The following SLIT3 variants were observed in gnomAD, a reference collection of about 807,000 sequenced individuals.
SLIT3 encodes slit guidance ligand 3, also known as slit homolog 3 protein.
In SLIT3, 68 loss-of-function variants were observed where a neutral mutation model predicts 184.0. That is an observed-to-expected ratio of 0.37 (90% CI 0.30 to 0.45). The LOEUF (loss-of-function observed/expected upper bound fraction) is 0.45, where lower values mean the gene tolerates loss of function less well. Ranked by LOEUF, SLIT3 falls within the 20% of genes least tolerant of loss-of-function variation. The pLI is 1.00. For synonymous variants in SLIT3, 831 were observed against 828.6 expected, an observed-to-expected ratio of 1.00 and a Z score of -0.05; for missense variants, 1,707 against 2,026.0, an observed-to-expected ratio of 0.84 and a Z score of 3.02.
At chr5:168,960,114 A>G (rs1013838013) in intron 4 of SLIT3, among the ~76,000 whole-genome samples, 1 of 152,182 alleles carries the variant, frequency 6.6e-6, no homozygotes, top group Non-Finnish European at 1.5e-5. Context: ...TCTATGTAGC[A>G]TGGTCAAATG....
intron 1 of SLIT3, among the ~76,000 whole-genome samples, chr5:169,299,217 GA>G (rs1767603277): frequency 1.3e-5 from 2 of 151,958 alleles, no homozygotes; most frequent in African/African-American, 4.8e-5. Flanking sequence ...TGCACTTGTG[GA>G]AAAACAAAAA....
At chr5:168,755,448 T>TC (rs1419173588) in intron 16 of SLIT3, among the ~76,000 whole-genome samples, 5 of 102,648 alleles carry the variant, frequency 4.9e-5, no homozygotes, top group East Asian at 2.9e-4. Context: ...TTTCTTTCTT[T>TC]TTGAGACAGA....
chr5:168,947,273 G>T (rs1762509485), intron 4 of SLIT3, among the ~76,000 whole-genome samples: 1 of 152,192 alleles, frequency 6.6e-6, no homozygotes, highest in Non-Finnish European at 1.5e-5. Flanking sequence ...TTTTCTGGGG[G>T]AACATTTGGG....
chr5:169,099,830 C>T (rs1432261330), intron 4 of SLIT3, among the ~76,000 whole-genome samples: 1 of 152,190 alleles, frequency 6.6e-6, no homozygotes, highest in Non-Finnish European at 1.5e-5. Context: ...GTCAAGAAGG[C>T]AGGCAATGTT....
At chr5:169,153,452 T>C (rs919913955) in intron 4 of SLIT3, among the ~76,000 whole-genome samples, 1 of 152,246 alleles carries the variant, frequency 6.6e-6, no homozygotes, top group Non-Finnish European at 1.5e-5. Flanking sequence ...CTGTAAACTG[T>C]GGCAGTGGAC....
intron 5 of SLIT3, among the ~76,000 whole-genome samples, chr5:168,846,436 G>C (rs972007866): frequency 6.6e-6 from 1 of 151,992 alleles, no homozygotes; most frequent in Non-Finnish European, 1.5e-5. Flanking sequence ...TGTTGGGGCC[G>C]CCGACTCCCT....
intron 4 of SLIT3, among the ~76,000 whole-genome samples, chr5:169,129,650 G>GA (rs1761219315): frequency 6.6e-6 from 1 of 152,100 alleles, no homozygotes; most frequent in Non-Finnish European, 1.5e-5. Context: ...GAAAAAAACT[G>GA]AAAAAACTGT....
At chr5:169,074,563 G>T (rs1366003792) in intron 4 of SLIT3, among the ~76,000 whole-genome samples, 2 of 152,146 alleles carry the variant, frequency 1.3e-5, no homozygotes, top group Non-Finnish European at 2.9e-5. Flanking sequence ...TTTTACAGTT[G>T]AGGGAGTAAA....
At chr5:168,689,986 T>A (rs1470619066) in intron 29 of SLIT3, among the ~76,000 whole-genome samples, 1 of 152,230 alleles carries the variant, frequency 6.6e-6, no homozygotes, top group Non-Finnish European at 1.5e-5. Context: ...GATTTTATTC[T>A]TTCCTATATT....
chr5:169,062,076 C>T (rs997308738), intron 4 of SLIT3, among the ~76,000 whole-genome samples: 9 of 152,006 alleles, frequency 5.9e-5, no homozygotes, highest in Admixed American at 3.9e-4. Context: ...CCCAGCTACT[C>T]GGGAGGCTGA....
chr5:169,084,294 T>C (rs900715191), intron 4 of SLIT3, among the ~76,000 whole-genome samples: 50 of 151,528 alleles, frequency 3.3e-4, no homozygotes, highest in Non-Finnish European at 6.2e-4. Flanking sequence ...CTTTTCTTTT[T>C]TTTTTTTTTG....
intron 4 of SLIT3, among the ~76,000 whole-genome samples, chr5:168,993,368 C>T (rs1446364618): frequency 6.6e-6 from 1 of 152,180 alleles, no homozygotes. Flanking sequence ...CATGGCACCC[C>T]GCCTACAGGA....
intron 6 of SLIT3, among the ~76,000 whole-genome samples, chr5:168,837,202 T>C (rs1758080710): frequency 6.6e-6 from 1 of 152,196 alleles, no homozygotes; most frequent in Non-Finnish European, 1.5e-5. Flanking sequence ...TGCATGAACA[T>C]ATCACAATTT....
intron 5 of SLIT3, among the ~76,000 whole-genome samples, chr5:168,882,859 T>C (rs761345410): frequency 2.6e-5 from 4 of 152,166 alleles, no homozygotes; most frequent in Admixed American, 2.6e-4. Context: ...AAGGTTCCAA[T>C]TGATTGACCA....
In SLIT3 at chr5:168,748,436, T is replaced by A; in HGVS notation, c.2138-2A>T. 6.6e-7 allele frequency: 1 copy of A among 1,523,194 alleles called. No individual in the cohort carries two copies. The allele number at this position is 1,523,194 out of a possible 1,614,324, so 94.4% of individuals were successfully genotyped here. On this transcript the variant is annotated splice_acceptor_variant, in intron 19 of 35. Transcript: ENST00000519560. LOFTEE classifies it high-confidence loss of function. ...GCTGGCAGCTACTCTCCTCGTTGCCTGTGGAGAGCCCCAGAGAGGGTGAGG... is the reference window on the plus strand; with the variant it reads ...GCTGGCAGCTACTCTCCTCGTTGCCAGTGGAGAGCCCCAGAGAGGGTGAGG...
intron 19 of SLIT3, 110 bp downstream of exon 19, chr5:168,749,362 C>A (rs920646017): frequency 6.0e-5 from 80 of 1,324,184 alleles, no homozygotes; most frequent in Non-Finnish European, 8.2e-5. Flanking sequence ...CAGCTGCATG[C>A]CCAAAGCAAA....
In SLIT3 at chr5:168,834,686, C is replaced by CAAAAAAAAAAAAA. The variant is rs540528948; in HGVS notation, c.557+9885_557+9897dup. Among the ~76,000 whole-genome samples, 3 of 37,414 alleles carry CAAAAAAAAAAAAA rather than the reference C, an allele frequency of 8.0e-5. 1 individual carries two copies. The highest frequency in any genetic ancestry group is 1.0e-4 in the African/African-American group (1 of 9,650). The allele number at this position is 37,414 out of a possible 152,430, so 24.5% of individuals were successfully genotyped here. A position where few individuals can be genotyped will look rare whatever the true frequency, so the allele number is the denominator to read the frequency against. On this transcript the variant is annotated intron_variant, in intron 6 of 35. Transcript: ENST00000519560. ...TGGGACACACAGCGAGACTCTGTCT[C>CAAAAAAAAAAAAA]AAAAAAAAAAAAAAAAAAAAAAAAA...
chr5:168,685,242 C>A (rs181112410), intron 31 of SLIT3, among the ~76,000 whole-genome samples: 2 of 152,372 alleles, frequency 1.3e-5, no homozygotes, highest in East Asian at 3.9e-4. Flanking sequence ...AGCCACCACA[C>A]CTGGCCAAAG....
At chr5:168,847,449 T>C (rs1758511662) in intron 5 of SLIT3, among the ~76,000 whole-genome samples, 1 of 152,152 alleles carries the variant, frequency 6.6e-6, no homozygotes, top group African/African-American at 2.4e-5. Flanking sequence ...GGGGGCCCCA[T>C]AAGGTAAACA....
Sources: gnomAD v4.1 joint callset for allele counts (sites outside exome capture counted in the v4.1 genomes callset) on GRCh38, gnomAD v4.1.1 for gene constraint, MANE v1.5 for transcripts, NCBI Gene and HGNC (gene_info 2026-07-23, HGNC 2026-07-21) for gene names.